Variants in ADK observed in about 807,000 individuals in gnomAD.
ADK encodes the protein N6,N6-dimethyladenosine kinase.
A neutral mutation model predicts 44.7 loss-of-function variants in ADK; 24 were observed. That is an observed-to-expected ratio of 0.54 (90% CI 0.39 to 0.76). ADK has a LOEUF of 0.76. Among genes scored for constraint, ADK ranks in the 30% least tolerant of loss-of-function variants. ADK has a pLI of 0.00. For missense variants in ADK, 321 were observed against 425.1 expected (o/e 0.76, Z 2.15); for synonymous variants, 128 against 142.6 (o/e 0.90, Z 0.73).
intron 6 of ADK, among the ~76,000 whole-genome samples, chr10:74,405,396 C>A (rs1029011638): frequency 2.7e-5 from 4 of 148,982 alleles, no homozygotes; most frequent in African/African-American, 9.9e-5. Context: ...TGTGAAAAAT[C>A]TAATTTTATT....
At chr10:74,191,705 C>T (rs1397192429) in intron 1 of ADK, among the ~76,000 whole-genome samples, 2 of 152,132 alleles carry the variant, frequency 1.3e-5, no homozygotes, top group Non-Finnish European at 2.9e-5. Flanking sequence ...TAGTGTGTTA[C>T]CAAAACCAGG....
intron 3 of ADK, among the ~76,000 whole-genome samples, chr10:74,250,775 A>G (rs1163971653): frequency 6.6e-6 from 1 of 151,970 alleles, no homozygotes; most frequent in African/African-American, 2.4e-5. Flanking sequence ...ATTCAGAGGT[A>G]TTTTTGTTTT....
intron 6 of ADK, among the ~76,000 whole-genome samples, chr10:74,400,939 C>T (rs534713795): frequency 5.9e-5 from 9 of 152,316 alleles, no homozygotes; most frequent in Admixed American, 1.3e-4. Flanking sequence ...AGTAAGTTCA[C>T]ACTGGAAACC....
chr10:74,474,296 C>T (rs1640311487), intron 6 of ADK, among the ~76,000 whole-genome samples: 1 of 151,912 alleles, frequency 6.6e-6, no homozygotes, highest in Non-Finnish European at 1.5e-5. Context: ...AGAGGCAGGG[C>T]CTCACTGTGT....
chr10:74,626,308 T>TA (rs1324244070), intron 9 of ADK, among the ~76,000 whole-genome samples: 4 of 151,484 alleles, frequency 2.6e-5, no homozygotes, highest in Non-Finnish European at 5.9e-5. Flanking sequence ...CTAAATTTTT[T>TA]TTTTTTTTTT....
intron 3 of ADK, among the ~76,000 whole-genome samples, chr10:74,241,092 G>T (rs1845189162): frequency 6.6e-6 from 1 of 152,172 alleles, no homozygotes; most frequent in African/African-American, 2.4e-5. Context: ...ATTATCCATT[G>T]TCAGTATTTG....
chr10:74,352,775 T>C (rs547151395), intron 4 of ADK, among the ~76,000 whole-genome samples: 1 of 152,206 alleles, frequency 6.6e-6, no homozygotes, highest in Non-Finnish European at 1.5e-5. Flanking sequence ...GAATGGACAC[T>C]TCTCAAAAGA....
At chr10:74,419,123 T>G (rs1315199248) in intron 6 of ADK, among the ~76,000 whole-genome samples, 2 of 152,194 alleles carry the variant, frequency 1.3e-5, no homozygotes, top group Non-Finnish European at 2.9e-5. Context: ...AGAAAAAATT[T>G]CTGAATCTTC....
rs138535156 is a variant in ADK at position 74,519,174 on chromosome 10, T to C, written c.556-6082T>C. The stretch of plus-strand genomic sequence containing the variant: ...TTAGATTTTAACCTTCTTTTCATAG[T>C]ACATCTTTGAAATGTACCTATTTTA... On this transcript the variant is annotated intron_variant, in intron 6 of 10. Transcript: ENST00000539909. 7.9e-5 allele frequency among the ~76,000 whole-genome samples: 12 copies of C among 152,126 alleles called. 1 individual carries two copies. Among genetic ancestry groups the C allele is most frequent in the African/African-American group, 1.9e-4 (8 of 41,576 alleles).
chr10:74,670,124 A>C (rs1158012714), intron 9 of ADK, 59 bp from the exon 10 acceptor site: 18 of 1,291,870 alleles, frequency 1.4e-5, no homozygotes, highest in Non-Finnish European at 2.0e-5. Flanking sequence ...TTACTGGGTG[A>C]GCTTGTATTG....
chr10:74,198,701 G>T (rs1228516018), intron 1 of ADK, among the ~76,000 whole-genome samples: 1 of 152,168 alleles, frequency 6.6e-6, no homozygotes, highest in East Asian at 1.9e-4. Flanking sequence ...ATTTCTTGCT[G>T]CTAGATGAGC....
intron 7 of ADK, among the ~76,000 whole-genome samples, chr10:74,548,442 A>G (rs1411676400): frequency 6.6e-6 from 1 of 152,188 alleles, no homozygotes; most frequent in African/African-American, 2.4e-5. Context: ...TTTAGCAAAT[A>G]AAAATACAGG....
At chr10:74,427,225 G>A (rs1844827476) in intron 6 of ADK, among the ~76,000 whole-genome samples, 1 of 152,064 alleles carries the variant, frequency 6.6e-6, no homozygotes, top group African/African-American at 2.4e-5. Flanking sequence ...TTGAGGTGGA[G>A]TCTGGCTCTG....
intron 2 of ADK, among the ~76,000 whole-genome samples, chr10:74,222,713 G>A (rs1469785531): frequency 1.3e-5 from 2 of 152,054 alleles, no homozygotes; most frequent in Non-Finnish European, 2.9e-5. Flanking sequence ...CCTTTTTAGG[G>A]ACATGGATGA....
chr10:74,304,953 G>T (rs1840194273), intron 3 of ADK, among the ~76,000 whole-genome samples: 1 of 151,998 alleles, frequency 6.6e-6, no homozygotes. Flanking sequence ...TATTCATGGG[G>T]GATTGGTTCC....
At chr10:74,335,516 A>G (rs1205651659) in intron 4 of ADK, among the ~76,000 whole-genome samples, 1 of 152,104 alleles carries the variant, frequency 6.6e-6, no homozygotes, top group Non-Finnish European at 1.5e-5. Context: ...CTCTAGAGGG[A>G]TATTTGAATT....
At chr10:74,351,341 G>A (rs575980096) in intron 4 of ADK, among the ~76,000 whole-genome samples, 2 of 152,270 alleles carry the variant, frequency 1.3e-5, no homozygotes, top group Admixed American at 6.5e-5. Context: ...CTCAATAGAT[G>A]CAGAGAAGTC....
chr10:74,261,604 A>G (rs763562224), intron 3 of ADK, among the ~76,000 whole-genome samples: 3 of 152,208 alleles, frequency 2.0e-5, no homozygotes, highest in Non-Finnish European at 2.9e-5. Flanking sequence ...TCTTTATTCT[A>G]CCTTTACATA....
chr10:74,665,989 G>A (rs1854945463), intron 9 of ADK, among the ~76,000 whole-genome samples: 1 of 152,186 alleles, frequency 6.6e-6, no homozygotes, highest in South Asian at 2.1e-4. Flanking sequence ...TCGTGAGGTT[G>A]TGTGTATCTA....
Sources: allele counts gnomAD v4.1 joint callset (sites outside exome capture counted in the v4.1 genomes callset), GRCh38; gene constraint gnomAD v4.1.1; transcripts MANE v1.5; gene names NCBI Gene and HGNC (gene_info 2026-07-23, HGNC 2026-07-21).